PAK3: variants seen among roughly 807,000 people sequenced by gnomAD.
The protein encoded by PAK3 is serine/threonine-protein kinase PAK 3.
In PAK3, 4 loss-of-function variants were observed where a neutral mutation model predicts 41.0. The observed-to-expected ratio is 0.10, with a 90% CI of 0.05 to 0.22. The LOEUF is 0.22. Ranked by LOEUF, PAK3 falls within the 10% of genes least tolerant of loss-of-function variation. The pLI is 1.00. For missense variants in PAK3, 205 were observed against 409.9 expected (o/e 0.50, Z 4.32); for synonymous variants, 146 against 139.6 (o/e 1.05, Z -0.32).
chrX:111,065,620 T>C (rs1401321489), intron 1 of PAK3, among the ~76,000 whole-genome samples: 2 of 111,860 alleles, frequency 1.8e-5, no homozygotes, highest in African/African-American at 6.5e-5. Context: ...TTGAAATAGT[T>C]TCAGTAGAAT....
At chrX:111,137,249 C>T (rs1056649582) in intron 5 of PAK3, among the ~76,000 whole-genome samples, 2 of 111,772 alleles carry the variant, frequency 1.8e-5, no homozygotes, top group Non-Finnish European at 3.8e-5. Flanking sequence ...CTTCTCCATT[C>T]TCTCAGGACT....
At chrX:111,148,894 CA>C (rs1412158172) in intron 7 of PAK3, among the ~76,000 whole-genome samples, 2 of 111,259 alleles carry the variant, frequency 1.8e-5, no homozygotes, top group Admixed American at 9.6e-5. Flanking sequence ...GCCTTCCCAA[CA>C]GTCCCCCAAA....
intron 1 of PAK3, among the ~76,000 whole-genome samples, chrX:110,979,218 T>C (rs1398722969): frequency 9.1e-6 from 1 of 110,246 alleles, no homozygotes; most frequent in Non-Finnish European, 1.9e-5. Context: ...TTTATCAGTC[T>C]TGAAGGATCA....
intron 5 of PAK3, among the ~76,000 whole-genome samples, chrX:111,141,394 A>G (rs949747737): frequency 8.9e-6 from 1 of 112,167 alleles, no homozygotes; most frequent in Non-Finnish European, 1.9e-5. Flanking sequence ...ACAAATAACT[A>G]CAAACTAGAA....
intron 1 of PAK3, among the ~76,000 whole-genome samples, chrX:110,969,279 A>T (rs894849455): frequency 9.8e-6 from 1 of 102,039 alleles, no homozygotes; most frequent in East Asian, 3.1e-4. Context: ...CAAAAAGGCA[A>T]TTCTTCCACT....
chrX:111,175,270 G>A (rs1466988616), intron 11 of PAK3, among the ~76,000 whole-genome samples: 1 of 111,506 alleles, frequency 9.0e-6, no homozygotes, highest in Non-Finnish European at 1.9e-5. Context: ...CACTTGAAAT[G>A]TGGCTAGTCC....
rs754595503 is a variant in PAK3, at chrX:111,049,907, G to A, written c.-27-73170G>A. Reference sequence around the variant, plus strand: ...CTGATTTTTACTCATCCTCTGAGGCGTCTGGGAGACTGCCTCAGTGTGAGT... The same window carrying A: ...CTGATTTTTACTCATCCTCTGAGGCATCTGGGAGACTGCCTCAGTGTGAGT... On this transcript the variant is annotated intron_variant, in intron 1 of 14. Transcript: ENST00000425146. 8.1e-5 allele frequency among the ~76,000 whole-genome samples: 9 copies of A among 111,327 alleles called. No homozygotes were observed. In the East Asian group the frequency reaches 8.5e-4, roughly 11 times the overall value.
chrX:111,185,643 T>C (rs1158576703), intron 11 of PAK3, among the ~76,000 whole-genome samples: 1 of 111,553 alleles, frequency 9.0e-6, no homozygotes, highest in Non-Finnish European at 1.9e-5. Context: ...ACACCATTTA[T>C]TAAATAGGGA....
intron 4 of PAK3, among the ~76,000 whole-genome samples, chrX:111,110,828 G>A (rs975851166): frequency 2.7e-5 from 3 of 112,283 alleles, no homozygotes; most frequent in Non-Finnish European, 5.6e-5. Context: ...CTTAGTAAAC[G>A]TTAGGGAGAG....
chrX:111,210,710 G>T lies in PAK3; in HGVS notation c.1408-5711G>T, dbSNP rs151064803. On this transcript the variant is annotated intron_variant, in intron 16 of 17. Coordinates refer to ENST00000372007, the MANE Select transcript of PAK3 (RefSeq NM_002578.5). ...AAAATCCACAGTTGGTTATAACACA[G>T]CTGCTACCTTCCATGGGCTCACAAT... Among the ~76,000 whole-genome samples the T allele has an allele frequency of 1.6e-3, 179 of 112,125 alleles. 1 individual carries two copies. The highest frequency in any genetic ancestry group is 5.2e-3 in the African/African-American group (161 of 30,909).
At chrX:111,161,009 T>G (rs1204143807) in intron 8 of PAK3, among the ~76,000 whole-genome samples, 1 of 107,912 alleles carries the variant, frequency 9.3e-6, no homozygotes, top group Non-Finnish European at 1.9e-5. Flanking sequence ...TCAAATGGTA[T>G]TTCTAGTTCT....
Position 111,220,625 on chromosome X carries a change from A to G in PAK3, c.*178A>G, listed in dbSNP as rs2094920623. The G allele has an allele frequency of 2.2e-6, 1 of 463,999 alleles. No homozygotes were observed. Among genetic ancestry groups the G allele is most frequent in the African/African-American group, 2.4e-5 (1 of 41,692 alleles). The allele number at this position is 463,999 out of a possible 1,213,427, so 38.2% of individuals were successfully genotyped here. On this transcript the variant is annotated 3_prime_UTR_variant, in exon 18 of 18. Transcript: ENST00000372007. ...CCTCAGATTATGTAATTTATTTGTA[A>G]GCCTGAATCGCAGCCCAAACAGGGC... is the stretch of plus-strand genomic sequence containing the variant.
chrX:111,202,961 C>T (rs781699599), intron 16 of PAK3, among the ~76,000 whole-genome samples: 1 of 111,831 alleles, frequency 8.9e-6, no homozygotes, highest in Admixed American at 9.5e-5. Flanking sequence ...GGTATCACTG[C>T]TAAAAACAAT....
chrX:111,071,632 A>G (rs1288668834), intron 1 of PAK3, among the ~76,000 whole-genome samples: 1 of 111,500 alleles, frequency 9.0e-6, no homozygotes, highest in Non-Finnish European at 1.9e-5. Flanking sequence ...AAAAATAGCA[A>G]CTCTTATGAG....
At chrX:111,154,601 T>C (rs1299593944) in intron 8 of PAK3, among the ~76,000 whole-genome samples, 3 of 111,823 alleles carry the variant, frequency 2.7e-5, no homozygotes, top group Non-Finnish European at 5.6e-5. Context: ...AAACTCACTC[T>C]CTTCACACAT....
intron 5 of PAK3, among the ~76,000 whole-genome samples, chrX:111,132,897 C>A (rs1255417673): frequency 9.0e-6 from 1 of 111,205 alleles, no homozygotes; most frequent in Non-Finnish European, 1.9e-5. Flanking sequence ...CATACACACA[C>A]ACACACGCCG....
chrX:111,078,810 T>C (rs1013630293), intron 1 of PAK3, among the ~76,000 whole-genome samples: 3 of 111,786 alleles, frequency 2.7e-5, no homozygotes, highest in African/African-American at 9.7e-5. Flanking sequence ...AAAGTAAAAG[T>C]TCCTGAGGGA....
intron 1 of PAK3, among the ~76,000 whole-genome samples, chrX:111,059,105 T>TTAGGATCAA (rs1198444768): frequency 1.0e-5 from 1 of 98,930 alleles, no homozygotes; most frequent in East Asian, 3.2e-4. Context: ...CATATGAATT[T>TTAGGATCAA]TAGGATCAAC....
At chrX:111,056,029 C>A (rs1212904927) in intron 1 of PAK3, among the ~76,000 whole-genome samples, 1 of 111,082 alleles carries the variant, frequency 9.0e-6, no homozygotes, top group Non-Finnish European at 1.9e-5. Flanking sequence ...CAATTCACTG[C>A]CATATTATTT....
Sources: allele counts gnomAD v4.1 joint callset (sites outside exome capture counted in the v4.1 genomes callset), GRCh38; gene constraint gnomAD v4.1.1; transcripts MANE v1.5; gene names NCBI Gene and HGNC (gene_info 2026-07-23, HGNC 2026-07-21).